Variants in DLC1 observed in about 807,000 individuals in gnomAD.
DLC1 encodes rho GTPase-activating protein 7.
DLC1 carries 54 observed loss-of-function variants against 140.3 expected under a neutral mutation model. That is an observed-to-expected ratio of 0.38 (90% CI 0.31 to 0.48). The LOEUF is 0.48. Ranked by LOEUF, DLC1 falls within the 20% of genes least tolerant of loss-of-function variation. The pLI is 0.96. For missense variants in DLC1, 2,536 were observed against 1,907.0 expected (o/e 1.33, Z -6.14); for synonymous variants, 986 against 728.1 (o/e 1.35, Z -5.70).
At chr8:13,451,330 G>A (rs1380315991) in intron 2 of DLC1, among the ~76,000 whole-genome samples, 5 of 151,954 alleles carry the variant, frequency 3.3e-5, no homozygotes, top group Non-Finnish European at 7.4e-5. Flanking sequence ...CTGGAAAATT[G>A]GGCGTCCATT....
intron 2 of DLC1, among the ~76,000 whole-genome samples, chr8:13,409,357 G>C (rs1189592999): frequency 6.6e-6 from 1 of 152,070 alleles, no homozygotes; most frequent in African/African-American, 2.4e-5. Context: ...TTTACTACAA[G>C]TAGAGAGCTT....
Position 13,328,952 on chromosome 8 carries a change from G to A in DLC1, c.1315-23650C>T, listed in dbSNP as rs926450234. 5.9e-5 allele frequency among the ~76,000 whole-genome samples: 9 copies of A among 152,200 alleles called. No homozygotes were observed. The South Asian group carries it at 6.2e-4, about 10-fold the overall frequency. ...AAGTCACTGAAGAAAATCAGCAAGC[G>A]TAGATATGGAAATGTGAAGGGGATG... On this transcript the variant is annotated intron_variant, in intron 4 of 17. Coordinates refer to ENST00000276297, the MANE Select transcript of DLC1 (RefSeq NM_182643.3).
At chr8:13,152,814 C>A (rs1283891197) in intron 5 of DLC1, among the ~76,000 whole-genome samples, 1 of 5,080 alleles carries the variant, frequency 2.0e-4, no homozygotes, top group South Asian at 6.7e-3. Context: ...GAGACCCTGT[C>A]TCTGGGGAAG....
intron 5 of DLC1, among the ~76,000 whole-genome samples, chr8:13,292,113 G>C (rs1831779268): frequency 1.3e-5 from 2 of 148,658 alleles, no homozygotes; most frequent in Admixed American, 6.7e-5. Context: ...GTTTTGTTTT[G>C]TTTTCTTTTT....
intron 2 of DLC1, among the ~76,000 whole-genome samples, chr8:13,455,078 A>G (rs896530467): frequency 2.0e-5 from 3 of 152,220 alleles, no homozygotes; most frequent in African/African-American, 7.2e-5. Context: ...TAAATTAGTT[A>G]GATAAGAGGT....
At chr8:13,533,241 C>T (rs986697176) in intron 1 of DLC1, among the ~76,000 whole-genome samples, 1 of 21,424 alleles carries the variant, frequency 4.7e-5, no homozygotes, top group Non-Finnish European at 2.0e-4. Context: ...GTAGAATAAT[C>T]GTTGTTTTTT....
chr8:13,585,014 A>T (rs951325960), intron 1 of DLC1, among the ~76,000 whole-genome samples: 3 of 152,224 alleles, frequency 2.0e-5, no homozygotes, highest in Admixed American at 2.0e-4. Context: ...TATTCACTCA[A>T]TAAAGATTCT....
In DLC1 at chr8:13,570,217, C is replaced by T. The variant is rs550903844; in HGVS notation, c.-126+34320G>A. Among the ~76,000 whole-genome samples, 5 of 152,142 alleles carry T rather than the reference C, an allele frequency of 3.3e-5. No homozygotes were observed. The South Asian group carries it at 1.0e-3, about 32-fold the overall frequency. On this transcript the variant is annotated intron_variant, in intron 1 of 1. Transcript: ENST00000631382. ...GTAATCCCTCCCCACTATATTCAAG[C>T]GTCTCTACATTACTTCCCTGAGCTC...
At chr8:13,361,087 C>T (rs1464042218) in intron 4 of DLC1, among the ~76,000 whole-genome samples, 1 of 151,978 alleles carries the variant, frequency 6.6e-6, no homozygotes, top group Non-Finnish European at 1.5e-5. Context: ...CAAAAAGTAG[C>T]TGGGTGTGTT....
At position 13,597,897 on chromosome 8, in the gene DLC1, G is replaced by A. The variant is rs560402575; in HGVS notation, c.-126+6640C>T. On this transcript the variant is annotated intron_variant, in intron 1 of 1. Coordinates refer to the DLC1 transcript ENST00000631382. Reference sequence around the variant, plus strand: ...TGCAATTGTATTATATATACAATAAGGGATCTATGCAACAACTAAATTTAG... The same window carrying A: ...TGCAATTGTATTATATATACAATAAAGGATCTATGCAACAACTAAATTTAG... Among the ~76,000 whole-genome samples the A allele has an allele frequency of 1.3e-3, 199 of 152,118 alleles. 1 individual carries two copies. The highest frequency in any genetic ancestry group is 4.6e-3 in the African/African-American group (192 of 41,520).
intron 6 of DLC1, among the ~76,000 whole-genome samples, chr8:13,112,640 T>C (rs1563622909): frequency 6.6e-6 from 1 of 152,356 alleles, no homozygotes; most frequent in East Asian, 1.9e-4. Context: ...ACTGGAGCAC[T>C]AGTAAATGAG....
At chr8:13,336,091 C>G (rs900342420) in intron 4 of DLC1, among the ~76,000 whole-genome samples, 1 of 152,078 alleles carries the variant, frequency 6.6e-6, no homozygotes, top group African/African-American at 2.4e-5. Context: ...TTTCTAAAGG[C>G]TCATCTTTCT....
intron 3 of DLC1, among the ~76,000 whole-genome samples, chr8:13,396,946 C>G (rs78827417): frequency 1.6e-4 from 25 of 152,030 alleles, no homozygotes; most frequent in African/African-American, 3.6e-4. Context: ...ACCCGCCCCC[C>G]CCAACCCAAC....
Position 13,251,491 on chromosome 8 carries a change from T to TCA in DLC1, c.1348+53777_1348+53778insTG, listed in dbSNP as rs1332064399. Among the ~76,000 whole-genome samples the TCA allele has an allele frequency of 5.3e-5, 8 of 152,246 alleles. No individual in the cohort carries two copies. The East Asian group carries it at 1.5e-3, about 29-fold the overall frequency. ...AGTCTGTAAAAATTATATATTTTAT[T>TCA]TATAATTTTAGTTTTTATTCTGGCA... On this transcript the variant is annotated intron_variant, in intron 5 of 17. Coordinates refer to ENST00000276297, the MANE Select transcript of DLC1 (RefSeq NM_182643.3).
chr8:13,188,082 T>G (rs991270283), intron 5 of DLC1, among the ~76,000 whole-genome samples: 1 of 15,420 alleles, frequency 6.5e-5, no homozygotes, highest in Non-Finnish European at 1.2e-4. Flanking sequence ...CAGTGGCAAT[T>G]TTTTTTTTTT....
At chr8:13,329,247 G>A (rs889241266) in intron 4 of DLC1, among the ~76,000 whole-genome samples, 1 of 152,060 alleles carries the variant, frequency 6.6e-6, no homozygotes, top group Non-Finnish European at 1.5e-5. Flanking sequence ...ATTACTTTCT[G>A]GATTTATGAC....
chr8:13,401,751 T>C, intron 2 of DLC1, 132 bp from the exon 3 acceptor site: 1 of 1,169,560 alleles, frequency 8.6e-7, no homozygotes, highest in Non-Finnish European at 1.2e-6. Flanking sequence ...AGAAGTTCCA[T>C]TCTGTATCAT....
intron 5 of DLC1, among the ~76,000 whole-genome samples, chr8:13,170,735 A>C (rs945747738): frequency 1.4e-4 from 22 of 151,966 alleles, no homozygotes; most frequent in Admixed American, 9.2e-4. Context: ...ATCTCAAAAA[A>C]AAAAAAAAAA....
chr8:13,144,296 TG>T (rs1823251422), intron 5 of DLC1, among the ~76,000 whole-genome samples: 1 of 152,184 alleles, frequency 6.6e-6, no homozygotes. Flanking sequence ...CCAGTGCCCC[TG>T]CAGGATCTTA....
Sources: gnomAD v4.1 joint callset for allele counts (sites outside exome capture counted in the v4.1 genomes callset) on GRCh38, gnomAD v4.1.1 for gene constraint, MANE v1.5 for transcripts, NCBI Gene and HGNC (gene_info 2026-07-23, HGNC 2026-07-21) for gene names.